The following CRY2 variants were observed in gnomAD, a reference collection of about 807,000 sequenced individuals.
CRY2 encodes the protein cryptochrome-2.
Under a neutral mutation model 69.5 loss-of-function variants are expected in CRY2, and 31 were observed. The observed-to-expected ratio is 0.45, with a 90% CI of 0.34 to 0.60. The LOEUF is 0.60. Among genes scored for constraint, CRY2 ranks in the 20% least tolerant of loss-of-function variants. The probability of loss-of-function intolerance (pLI) is 0.02; values close to 1 mark genes in which losing one functional copy is unlikely to be tolerated. For synonymous variants in CRY2, 303 were observed against 312.2 expected (o/e 0.97, Z 0.31); for missense variants, 606 against 797.8 (o/e 0.76, Z 2.90).
intron 11 of CRY2, among the ~76,000 whole-genome samples, chr11:45,876,773 T>C (rs1198921249): frequency 1.3e-5 from 2 of 152,226 alleles, no homozygotes; most frequent in African/African-American, 4.8e-5. Flanking sequence ...CTAGTTTAGT[T>C]GTATACTCTG....
Position 45,882,637 on chromosome 11 carries a change from A to C in CRY2, c.*1726A>C. The stretch of plus-strand genomic sequence containing the variant: ...CATCATCGTGGGAGGGGAGCAGGGC[A>C]CAGGGGATGGTGTGCATTCAGAGCA... On this transcript the variant is annotated 3_prime_UTR_variant, in exon 12 of 12. Coordinates refer to ENST00000616080, the MANE Select transcript of CRY2 (RefSeq NM_021117.5). The C allele has an allele frequency of 2.5e-6, 1 of 399,134 alleles. No homozygotes were observed. The highest frequency in any genetic ancestry group is 1.3e-4 in the South Asian group (1 of 7,864). The allele number at this position is 399,134 out of a possible 1,614,324, so 24.7% of individuals were successfully genotyped here.
chr11:45,882,391 C>A lies in CRY2; in HGVS notation c.*1480C>A, dbSNP rs2086482394. On this transcript the variant is annotated 3_prime_UTR_variant, in exon 12 of 12. Coordinates refer to ENST00000616080, the MANE Select transcript of CRY2 (RefSeq NM_021117.5). Reference sequence around the variant, plus strand: ...TTGGGCCTTTTCCTTTCTACCTCCCCTGTGACCTTTCCTAGCCTCAGATCT... The same window carrying A: ...TTGGGCCTTTTCCTTTCTACCTCCCATGTGACCTTTCCTAGCCTCAGATCT... 2.6e-6 allele frequency: 1 copy of A among 383,834 alleles called. No individual in the cohort carries two copies. The highest frequency in any genetic ancestry group is 4.6e-6 in the Non-Finnish European group (1 of 216,792). The allele number at this position is 383,834 out of a possible 1,614,324, so 23.8% of individuals were successfully genotyped here.
At chr11:45,875,764 A>G (rs1414830553) in intron 11 of CRY2, among the ~76,000 whole-genome samples, 1 of 152,198 alleles carries the variant, frequency 6.6e-6, no homozygotes, top group Non-Finnish European at 1.5e-5. Context: ...AGAGTACACC[A>G]TGTCTCACCA....
At chr11:45,875,496 A>AG (rs1314331831) in intron 11 of CRY2, among the ~76,000 whole-genome samples, 1 of 152,228 alleles carries the variant, frequency 6.6e-6, no homozygotes, top group Non-Finnish European at 1.5e-5. Flanking sequence ...AGTGATTCCA[A>AG]GGGAAGACAT....
At chr11:45,861,991 A>C (rs1484523927) in intron 4 of CRY2, 69 bp from the exon 5 acceptor site, 2 of 1,322,284 alleles carry the variant, frequency 1.5e-6, no homozygotes, top group Non-Finnish European at 2.1e-6. Flanking sequence ...TTCAAATAAC[A>C]GAACAGCCGT....
At position 45,869,730 on chromosome 11, in the gene CRY2, G is replaced by A. The variant is rs2086360523; in HGVS notation, c.1107G>A (p.Glu369=). ...IDAIMTQLRQ[E]GWIHHLARHA... ...CCATCATGACCCAACTGAGGCAGGAGGGCTGGATCCACCACCTGGCCCGGC... is the reference window on the plus strand; with the variant it reads ...CCATCATGACCCAACTGAGGCAGGAAGGCTGGATCCACCACCTGGCCCGGC... The change falls in exon 7 of 12, where the codon GAG becomes GAA. Residue 369 remains glutamate (E), a synonymous_variant. Transcript: ENST00000616080. 2.0e-5 allele frequency: 33 copies of A among 1,614,108 alleles called. No individual in the cohort carries two copies. The highest frequency in any genetic ancestry group is 2.8e-5 in the Non-Finnish European group (33 of 1,179,984).
intron 11 of CRY2, among the ~76,000 whole-genome samples, chr11:45,880,563 G>A (rs1360002980): frequency 6.6e-6 from 1 of 152,194 alleles, no homozygotes; most frequent in Non-Finnish European, 1.5e-5. Context: ...CAGCTGCTGT[G>A]CCTTGATTCA....
In CRY2 at chr11:45,882,313, G is replaced by T. The variant is rs964750883; in HGVS notation, c.*1402G>T. 5.7e-5 allele frequency: 15 copies of T among 264,544 alleles called. No homozygotes were observed. The highest frequency in any genetic ancestry group is 9.2e-5 in the Non-Finnish European group (13 of 140,556). The allele number at this position is 264,544 out of a possible 1,614,324, so 16.4% of individuals were successfully genotyped here. ...GGTACGTGTGTGTGTGTGTGGCTAT[G>T]AGGCTGATTCCTGTTTGGATTTTTG... On this transcript the variant is annotated 3_prime_UTR_variant, in exon 12 of 12. Coordinates refer to ENST00000616080, the MANE Select transcript of CRY2 (RefSeq NM_021117.5).
chr11:45,872,923 C>T (rs553085181), intron 11 of CRY2, among the ~76,000 whole-genome samples: 1 of 152,322 alleles, frequency 6.6e-6, no homozygotes, highest in East Asian at 1.9e-4. Flanking sequence ...CTTGAGAAGC[C>T]TGGACAGAGG....
At position 45,872,264 on chromosome 11, in the gene CRY2, G is replaced by A. The variant is rs368961451; in HGVS notation, c.*2+31G>A. 8.1e-6 allele frequency: 13 copies of A among 1,606,082 alleles called. No homozygotes were observed. The African/African-American group carries it at 1.6e-4, about 20-fold the overall frequency. Reference sequence around the variant, plus strand: ...TGACAGCAGCCTAGATTCAACCTCAGGAAGGAAGTTGGGAGTGGGGGGGCC... The same window carrying A: ...TGACAGCAGCCTAGATTCAACCTCAAGAAGGAAGTTGGGAGTGGGGGGGCC... On this transcript the variant is annotated intron_variant, in intron 11 of 11. Transcript: ENST00000616080.
chr11:45,851,839 G>A (rs561014183), intron 1 of CRY2, among the ~76,000 whole-genome samples: 2 of 152,046 alleles, frequency 1.3e-5, no homozygotes, highest in Non-Finnish European at 2.9e-5. Context: ...TATCATCATC[G>A]TTGTTAGATA....
In CRY2 at chr11:45,855,410, G is replaced by A. The variant is rs549367314; in HGVS notation, c.216-572G>A. The stretch of plus-strand genomic sequence containing the variant: ...CCACCAGAGTAAGGAGGATTTTCCC[G>A]GCTGTGGCAGTCTGGTCCTCTGCTA... On this transcript the variant is annotated intron_variant, in intron 1 of 11. Transcript: ENST00000616080. Among the ~76,000 whole-genome samples the A allele has an allele frequency of 7.9e-5, 12 of 152,272 alleles. No homozygotes were observed. In the South Asian group the frequency reaches 1.0e-3, roughly 13 times the overall value.
chr11:45,861,826 T>G, intron 4 of CRY2: 6 of 493,034 alleles, frequency 1.2e-5, no homozygotes, highest in African/African-American at 2.0e-5. Flanking sequence ...AGGTCCGGGA[T>G]TGTTGTCATC....
intron 3 of CRY2, among the ~76,000 whole-genome samples, 189 bp downstream of exon 3, chr11:45,859,062 AT>A (rs1459925651): frequency 6.6e-6 from 1 of 152,080 alleles, no homozygotes; most frequent in Non-Finnish European, 1.5e-5. Context: ...GCTTTACCCC[AT>A]TGAGGTGGCA....
chr11:45,858,931 C>A, intron 3 of CRY2, 58 bp downstream of exon 3: 2 of 1,581,808 alleles, frequency 1.3e-6, no homozygotes, highest in Non-Finnish European at 1.7e-6. Flanking sequence ...AATTTGGGCC[C>A]CTGCTGAGCG....
rs747422649 is a variant in CRY2 at position 45,847,528 on chromosome 11, C to G, written c.38C>G (p.Pro13Arg). 3 of 1,586,830 alleles carry G rather than the reference C, an allele frequency of 1.9e-6. No individual in the cohort carries two copies. The highest frequency in any genetic ancestry group is 1.1e-5 in the South Asian group (1 of 88,518). Residue 13 changes from proline (P) to arginine (R), a missense_variant, in exon 1 of 12, where the codon CCG becomes CGG. By Grantham distance (103) the Pro-to-Arg change is moderately radical. Transcript: ENST00000616080. ...GTGGCGACGGCGGCAGCTGTGGCCCCGGCGCCAGCGCCCGGCACGGACAGC... is the reference window on the plus strand; with the variant it reads ...GTGGCGACGGCGGCAGCTGTGGCCCGGGCGCCAGCGCCCGGCACGGACAGC... ...ATVATAAAVAPAPAPGTDSAS... is the reference protein window; with the variant it reads ...ATVATAAAVARAPAPGTDSAS...
intron 9 of CRY2, 135 bp from the exon 10 acceptor site, chr11:45,870,707 T>C (rs2134645455): frequency 1.8e-6 from 2 of 1,098,800 alleles, no homozygotes; most frequent in Non-Finnish European, 2.6e-6. Context: ...TCCTGAGTAG[T>C]TGTGGGGCTG....
intron 1 of CRY2, among the ~76,000 whole-genome samples, chr11:45,853,261 C>T (rs2086211713): frequency 6.6e-6 from 1 of 152,146 alleles, no homozygotes; most frequent in Non-Finnish European, 1.5e-5. Flanking sequence ...AGAATAGTGC[C>T]TGTCATTGTA....
At chr11:45,860,729 G>C in intron 3 of CRY2, 119 bp from the exon 4 acceptor site, 1 of 1,087,896 alleles carries the variant, frequency 9.2e-7, no homozygotes, top group African/African-American at 1.6e-5. Context: ...CATGGGACCT[G>C]TGAGTGGATG....
Sources: allele counts gnomAD v4.1 joint callset (sites outside exome capture counted in the v4.1 genomes callset), GRCh38; gene constraint gnomAD v4.1.1; transcripts MANE v1.5; gene names NCBI Gene and HGNC (gene_info 2026-07-23, HGNC 2026-07-21).